The following PRKCE variants were observed in gnomAD, a reference collection of about 807,000 sequenced individuals.
PRKCE encodes the protein protein kinase C epsilon.
In PRKCE, 16 loss-of-function variants were observed where a neutral mutation model predicts 85.4. The observed-to-expected ratio is 0.19, with a 90% CI of 0.13 to 0.28. The LOEUF is 0.28. Among genes scored for constraint, PRKCE ranks in the 10% least tolerant of loss-of-function variants. The pLI is 1.00. For missense variants in PRKCE, 573 were observed against 975.2 expected (o/e 0.59, Z 5.49); for synonymous variants, 388 against 371.5 (o/e 1.04, Z -0.51).
At chr2:45,724,233 A>G (rs531210207) in intron 1 of PRKCE, among the ~76,000 whole-genome samples, 1 of 152,252 alleles carries the variant, frequency 6.6e-6, no homozygotes, top group African/African-American at 2.4e-5. Context: ...GCAATATTTC[A>G]AACTTTTTGG....
chr2:45,824,706 C>G (rs1375307379), intron 1 of PRKCE, among the ~76,000 whole-genome samples: 2 of 152,090 alleles, frequency 1.3e-5, no homozygotes, highest in Non-Finnish European at 2.9e-5. Flanking sequence ...CCTCTACCAC[C>G]CAGTTTCAAT....
intron 2 of PRKCE, among the ~76,000 whole-genome samples, chr2:45,973,952 A>T (rs952020210): frequency 1.2e-4 from 18 of 152,232 alleles, no homozygotes; most frequent in African/African-American, 4.1e-4. Context: ...ATGCATTAGG[A>T]GACGGGCTTA....
chr2:45,850,698 C>G (rs530895451), intron 2 of PRKCE, among the ~76,000 whole-genome samples: 3 of 152,120 alleles, frequency 2.0e-5, no homozygotes, highest in African/African-American at 7.2e-5. Flanking sequence ...CATTTTTAAT[C>G]GAGCTGTTGA....
intron 2 of PRKCE, among the ~76,000 whole-genome samples, chr2:45,865,021 C>A (rs1241483509): frequency 6.6e-6 from 1 of 152,214 alleles, no homozygotes; most frequent in Non-Finnish European, 1.5e-5. Context: ...GGTCGTAAGA[C>A]CAAGTTTTGA....
At chr2:45,838,613 T>C (rs1424736850) in intron 1 of PRKCE, among the ~76,000 whole-genome samples, 1 of 152,038 alleles carries the variant, frequency 6.6e-6, no homozygotes, top group African/African-American at 2.4e-5. Context: ...AGTACAATAC[T>C]CTTACCTTAG....
chr2:45,858,197 CT>C (rs1287185870), intron 2 of PRKCE, among the ~76,000 whole-genome samples: 1 of 152,206 alleles, frequency 6.6e-6, no homozygotes, highest in African/African-American at 2.4e-5. Context: ...GATGGCCCTT[CT>C]AGCCGCGACA....
chr2:45,845,781 T>G (rs1364445806), intron 2 of PRKCE: 1 of 152,202 alleles, frequency 6.6e-6, no homozygotes, highest in Non-Finnish European at 1.5e-5. Flanking sequence ...TTCACTATAG[T>G]GGAATCTGGC....
At chr2:45,981,694 A>C (rs1702902355) in intron 5 of PRKCE, among the ~76,000 whole-genome samples, 1 of 152,200 alleles carries the variant, frequency 6.6e-6, no homozygotes, top group Non-Finnish European at 1.5e-5. Context: ...AAAGAAAGAG[A>C]TGGCTTGCTT....
At chr2:45,764,126 T>C (rs2104852897) in intron 1 of PRKCE, among the ~76,000 whole-genome samples, 1 of 152,334 alleles carries the variant, frequency 6.6e-6, no homozygotes, top group Middle Eastern at 3.4e-3. Flanking sequence ...TATCAGTGTA[T>C]CTTAGGAGGA....
Position 46,007,516 on chromosome 2 carries a change from G to T in PRKCE, c.1118G>T (p.Gly373Val), listed in dbSNP as rs778652349. The change falls in exon 9 of 15, where the codon GGA becomes GTA. Residue 373 changes from glycine to valine, a missense_variant. Transcript: ENST00000306156. ...IRKALSFDNR[G>V]EEHRAASSPD... ...AAAGCCTTGTCATTTGACAACCGAG[G>T]AGAGGAGCACCGGGCAGCATCGTCT... The T allele has an allele frequency of 4.4e-6, 7 of 1,599,786 alleles. No homozygotes were observed. Among genetic ancestry groups the T allele is most frequent in the Non-Finnish European group, 5.9e-6 (7 of 1,179,960 alleles).
At chr2:45,732,538 T>C (rs374246231) in intron 1 of PRKCE, among the ~76,000 whole-genome samples, 7 of 152,344 alleles carry the variant, frequency 4.6e-5, no homozygotes, top group South Asian at 2.1e-4. Flanking sequence ...ATATATATTA[T>C]ATGTTTTACT....
chr2:45,680,341 G>A (rs1014289623), intron 1 of PRKCE, among the ~76,000 whole-genome samples: 1 of 152,202 alleles, frequency 6.6e-6, no homozygotes, highest in Non-Finnish European at 1.5e-5. Context: ...GCATACAACC[G>A]CTCTGTGTGC....
chr2:45,831,491 C>T (rs1376951943), intron 1 of PRKCE, among the ~76,000 whole-genome samples: 2 of 152,080 alleles, frequency 1.3e-5, no homozygotes, highest in African/African-American at 4.8e-5. Context: ...GATATATTCT[C>T]TACAGTTGAT....
intron 2 of PRKCE, among the ~76,000 whole-genome samples, chr2:45,928,592 C>T (rs1252772247): frequency 6.6e-6 from 1 of 152,134 alleles, no homozygotes; most frequent in African/African-American, 2.4e-5. Flanking sequence ...CTTCTCTGGA[C>T]GTACTGTTTC....
chr2:46,024,598 G>C (rs1448855888), intron 10 of PRKCE, among the ~76,000 whole-genome samples: 1 of 152,170 alleles, frequency 6.6e-6, no homozygotes, highest in Non-Finnish European at 1.5e-5. Flanking sequence ...CTGGCTCTTA[G>C]AGCTGAGCCT....
intron 1 of PRKCE, among the ~76,000 whole-genome samples, chr2:45,773,255 T>C (rs1573297175): frequency 6.6e-6 from 1 of 152,080 alleles, no homozygotes; most frequent in Non-Finnish European, 1.5e-5. Flanking sequence ...TACAGGAGGG[T>C]GAGGCCTTTT....
intron 1 of PRKCE, among the ~76,000 whole-genome samples, chr2:45,739,432 G>T (rs1212798018): frequency 6.6e-6 from 1 of 152,140 alleles, no homozygotes; most frequent in Non-Finnish European, 1.5e-5. Context: ...TATATTTGGG[G>T]TTTCAACTTT....
At position 45,652,061 on chromosome 2, in the gene PRKCE, G is replaced by T; in HGVS notation, c.-40G>T. On this transcript the variant is annotated 5_prime_UTR_variant, in exon 1 of 15. Transcript: ENST00000306156. This position sits in a 1 kb window ranked among gnomAD's most constrained non-coding sequence, Gnocchi z 7.7. ...TCGGTTCTTCATTCCTGCCCTCGGGGCAGACGGAGTGACCCCGGCCCCCAC... is the reference window on the plus strand; with the variant it reads ...TCGGTTCTTCATTCCTGCCCTCGGGTCAGACGGAGTGACCCCGGCCCCCAC... The T allele has an allele frequency of 6.8e-7, 1 of 1,472,072 alleles. No individual in the cohort carries two copies. Among genetic ancestry groups the T allele is most frequent in the Non-Finnish European group, 9.2e-7 (1 of 1,090,236 alleles). 91.2% of individuals were successfully genotyped at this position (1,472,072 alleles called of 1,614,324 possible).
At chr2:45,744,492 TTTC>T (rs1558623914) in intron 1 of PRKCE, among the ~76,000 whole-genome samples, 76 of 52,596 alleles carry the variant, frequency 1.4e-3, no homozygotes, top group Middle Eastern at 8.3e-3. Context: ...TTTCTTTTTC[TTTC>T]TTTCTTTTCT....
Sources: gnomAD v4.1 joint callset for allele counts (sites outside exome capture counted in the v4.1 genomes callset) on GRCh38, gnomAD v4.1.1 for gene constraint, Gnocchi (gnomAD v3.1) non-coding constraint, MANE v1.5 for transcripts, NCBI Gene and HGNC (gene_info 2026-07-23, HGNC 2026-07-21) for gene names.